Variants in LGSN observed in about 807,000 individuals in gnomAD.
LGSN encodes lengsin.
In LGSN, 21 loss-of-function variants were observed where a neutral mutation model predicts 19.5. The ratio of observed to expected loss-of-function variants is 1.07; its 90% CI spans 0.76 to 1.55. The LOEUF (loss-of-function observed/expected upper bound fraction) is 1.55. Among genes scored for constraint, LGSN ranks in the 40% most tolerant of loss-of-function variants. The probability of loss-of-function intolerance (pLI) is 0.00; values close to 1 mark genes in which losing one functional copy is unlikely to be tolerated. For missense variants in LGSN, 673 were observed against 608.5 expected, an observed-to-expected ratio of 1.11 and a Z score of -1.12; for synonymous variants, 257 against 215.6, an observed-to-expected ratio of 1.19 and a Z score of -1.68.
At chr6:63,407,313 T>A in the LGSN span, among the ~76,000 whole-genome samples, 1 of 151,794 alleles carries the variant, frequency 6.6e-6, no homozygotes, top group Non-Finnish European at 1.5e-5. Context: ...CAGCAGCACA[T>A]CAAAAAGCTT....
the LGSN span, among the ~76,000 whole-genome samples, chr6:63,378,617 G>A: frequency 3.3e-5 from 5 of 152,086 alleles, no homozygotes; most frequent in East Asian, 1.9e-4. Flanking sequence ...GGAAGGCAAC[G>A]GAAAGGCACA....
the LGSN span, among the ~76,000 whole-genome samples, chr6:63,402,894 GA>G: frequency 2.6e-5 from 4 of 151,790 alleles, no homozygotes; most frequent in African/African-American, 7.2e-5. Context: ...GAAGTTCTTA[GA>G]AAAAAACTGA....
the LGSN span, among the ~76,000 whole-genome samples, chr6:63,412,529 G>GAAAGAAAGAAGGAAGGAAAGAAA: frequency 3.1e-5 from 1 of 32,406 alleles, no homozygotes; most frequent in South Asian, 1.2e-3. Flanking sequence ...AAAGAAAGAA[G>GAAAGAAAGAAGGAAGGAAAGAAA]GAAAGAAAGA....
chr6:63,362,580 C>G, the LGSN span, among the ~76,000 whole-genome samples: 1 of 152,226 alleles, frequency 6.6e-6, no homozygotes, highest in Non-Finnish European at 1.5e-5. Context: ...GTCTCACACC[C>G]ACAGAGCCTC....
the LGSN span, among the ~76,000 whole-genome samples, chr6:63,335,312 T>C: frequency 2.4e-4 from 37 of 152,042 alleles, no homozygotes; most frequent in East Asian, 6.7e-3. Flanking sequence ...CCTGAAACTA[T>C]AAAACTACTT....
At chr6:63,445,355 C>T in the LGSN span, among the ~76,000 whole-genome samples, 14 of 151,796 alleles carry the variant, frequency 9.2e-5, no homozygotes, top group East Asian at 2.0e-4. Flanking sequence ...CGGTGGCTCA[C>T]GCCTGTAATC....
chr6:63,534,778 T>TATTTCA, the LGSN span, among the ~76,000 whole-genome samples: 2 of 152,044 alleles, frequency 1.3e-5, no homozygotes, highest in African/African-American at 4.8e-5. Context: ...TAAAATTTCT[T>TATTTCA]TACTAAAGAA....
chr6:63,411,489 C>G, the LGSN span, among the ~76,000 whole-genome samples: 1 of 152,118 alleles, frequency 6.6e-6, no homozygotes. Context: ...GCGCTGCTCA[C>G]ACTATTAATG....
intron 1 of LGSN, among the ~76,000 whole-genome samples, chr6:63,307,481 A>T (rs1768436949): frequency 6.6e-6 from 1 of 152,204 alleles, no homozygotes; most frequent in Non-Finnish European, 1.5e-5. Flanking sequence ...TAACTCTTTA[A>T]TTGATGGGCT....
the LGSN span, among the ~76,000 whole-genome samples, chr6:63,476,958 G>A: frequency 6.6e-6 from 1 of 152,150 alleles, no homozygotes; most frequent in Non-Finnish European, 1.5e-5. Flanking sequence ...TTGGAAATAA[G>A]CATCCTTTAC....
the LGSN span, among the ~76,000 whole-genome samples, chr6:63,419,278 G>A: frequency 2.0e-5 from 3 of 152,158 alleles, no homozygotes; most frequent in African/African-American, 4.8e-5. Flanking sequence ...ATGAAAAAGT[G>A]TCTACTATCA....
At chr6:63,520,557 GCAGA>G in the LGSN span, among the ~76,000 whole-genome samples, 15 of 151,818 alleles carry the variant, frequency 9.9e-5, no homozygotes, top group Non-Finnish European at 1.6e-4. Flanking sequence ...AACCAGGGAG[GCAGA>G]CAGAGGTTGC....
At chr6:63,287,588 G>A (rs1767592899) in intron 2 of LGSN, among the ~76,000 whole-genome samples, 1 of 152,000 alleles carries the variant, frequency 6.6e-6, no homozygotes, top group South Asian at 2.1e-4. Flanking sequence ...TGCGCCTGTA[G>A]TCCCAGCTAC....
the LGSN span, among the ~76,000 whole-genome samples, chr6:63,387,325 C>T: frequency 6.6e-6 from 1 of 152,126 alleles, no homozygotes; most frequent in African/African-American, 2.4e-5. Context: ...GTACTGAATA[C>T]ATAACGATGC....
the LGSN span, among the ~76,000 whole-genome samples, chr6:63,568,909 C>T: frequency 6.6e-6 from 1 of 151,992 alleles, no homozygotes; most frequent in African/African-American, 2.4e-5. Flanking sequence ...AGATTATGGC[C>T]CATTGGGGTA....
chr6:63,414,088 A>G, the LGSN span, among the ~76,000 whole-genome samples: 1 of 152,196 alleles, frequency 6.6e-6, no homozygotes, highest in Non-Finnish European at 1.5e-5. Flanking sequence ...GTTCTGCTTC[A>G]TAACTATGAT....
chr6:63,387,062 C>T, the LGSN span, among the ~76,000 whole-genome samples: 1 of 152,114 alleles, frequency 6.6e-6, no homozygotes, highest in Non-Finnish European at 1.5e-5. Context: ...GATCACACCA[C>T]CGTGCTCCAG....
chr6:63,362,371 G>T, the LGSN span, among the ~76,000 whole-genome samples: 10 of 148,846 alleles, frequency 6.7e-5, no homozygotes, highest in East Asian at 2.0e-3. Flanking sequence ...TCAGACAGTG[G>T]GTGCAGCCCA....
At chr6:63,442,467 T>C in the LGSN span, among the ~76,000 whole-genome samples, 1 of 152,214 alleles carries the variant, frequency 6.6e-6, no homozygotes, top group Admixed American at 6.5e-5. Context: ...GATTGGTGCA[T>C]TTACAATCCC....
Sources: gnomAD v4.1 joint callset for allele counts (sites outside exome capture counted in the v4.1 genomes callset) on GRCh38, gnomAD v4.1.1 for gene constraint, MANE v1.5 for transcripts, NCBI Gene and HGNC (gene_info 2026-07-23, HGNC 2026-07-21) for gene names.